The following NEK11 variants were observed in gnomAD, a reference collection of about 807,000 sequenced individuals.
The protein encoded by NEK11 is NIMA related kinase 11, also known as serine/threonine-protein kinase Nek11.
In NEK11, 72 loss-of-function variants were observed where a neutral mutation model predicts 80.7. That is an observed-to-expected ratio of 0.89 (90% CI 0.74 to 1.08). The LOEUF (loss-of-function observed/expected upper bound fraction) is 1.08, where lower values mean the gene tolerates loss of function less well. Ranked by LOEUF, NEK11 falls within the 50% of genes least tolerant of loss-of-function variation. The pLI is 0.00. For synonymous variants in NEK11, 251 were observed against 260.7 expected (o/e 0.96, Z 0.36); for missense variants, 764 against 763.6 (o/e 1.00, Z -0.01).
intron 3 of NEK11, among the ~76,000 whole-genome samples, chr3:131,034,557 A>G (rs1447844073): frequency 2.0e-5 from 3 of 151,894 alleles, no homozygotes; most frequent in East Asian, 1.9e-4. Flanking sequence ...CCGCCACCAC[A>G]CCCGGCTAAT....
At chr3:131,281,935 CTT>C (rs1393918336) in intron 17 of NEK11, among the ~76,000 whole-genome samples, 1 of 152,172 alleles carries the variant, frequency 6.6e-6, no homozygotes, top group Non-Finnish European at 1.5e-5. Flanking sequence ...AGCAAACACA[CTT>C]GAGATTAAAG....
intron 9 of NEK11, 50 bp downstream of exon 9, chr3:131,152,759 C>T (rs111824170): frequency 2.4e-6 from 3 of 1,265,430 alleles, no homozygotes; most frequent in Non-Finnish European, 2.3e-6. Flanking sequence ...CATTTGTATA[C>T]ACATTCCATG....
chr3:131,237,073 C>T (rs186917870), intron 15 of NEK11, among the ~76,000 whole-genome samples: 112 of 152,300 alleles, frequency 7.4e-4, no homozygotes, highest in African/African-American at 2.6e-3. Flanking sequence ...GGTACATTGG[C>T]TCATTCCTGT....
intron 7 of NEK11, among the ~76,000 whole-genome samples, chr3:131,151,337 C>T (rs1472732636): frequency 3.3e-5 from 5 of 151,992 alleles, no homozygotes; most frequent in Admixed American, 2.6e-4. Context: ...AAGTACCAGT[C>T]AGCTCAGTTG....
intron 17 of NEK11, chr3:131,327,781 T>G (rs1216177545): frequency 6.6e-6 from 1 of 151,322 alleles, no homozygotes; most frequent in Admixed American, 6.6e-5. Flanking sequence ...GTGCCAAATC[T>G]CTTTTCTGAC....
intron 14 of NEK11, among the ~76,000 whole-genome samples, chr3:131,204,004 A>G (rs1455258340): frequency 6.6e-6 from 1 of 151,762 alleles, no homozygotes; most frequent in Non-Finnish European, 1.5e-5. Context: ...CCCTGGAGAA[A>G]GAGATGCTGC....
At chr3:131,290,466 G>A (rs1344647421) in intron 17 of NEK11, among the ~76,000 whole-genome samples, 3 of 152,246 alleles carry the variant, frequency 2.0e-5, no homozygotes, top group African/African-American at 7.2e-5. Context: ...GAAAATCAGT[G>A]AACTAGCTGA....
intron 12 of NEK11, among the ~76,000 whole-genome samples, chr3:131,165,871 T>C (rs2092169954): frequency 6.6e-6 from 1 of 152,260 alleles, no homozygotes; most frequent in South Asian, 2.1e-4. Flanking sequence ...GCTTTACCTC[T>C]TTAGTACATT....
chr3:131,245,815 TG>T (rs1421838655), intron 16 of NEK11, among the ~76,000 whole-genome samples: 1 of 152,084 alleles, frequency 6.6e-6, no homozygotes, highest in Non-Finnish European at 1.5e-5. Flanking sequence ...TTTTGTTTTT[TG>T]TTTTTTTGTT....
intron 15 of NEK11, among the ~76,000 whole-genome samples, chr3:131,235,242 A>G (rs1439894869): frequency 6.6e-6 from 1 of 152,132 alleles, no homozygotes; most frequent in Non-Finnish European, 1.5e-5. Flanking sequence ...TGATAAGAGT[A>G]GTTGCAGTGG....
chr3:131,255,030 GAA>G (rs1298970855), intron 16 of NEK11, among the ~76,000 whole-genome samples: 2 of 135,034 alleles, frequency 1.5e-5, no homozygotes, highest in Non-Finnish European at 3.2e-5. Context: ...AAGAAAGAAA[GAA>G]AGAGAGAGAG....
At chr3:131,094,921 A>C (rs546049199) in intron 4 of NEK11, among the ~76,000 whole-genome samples, 499 of 152,308 alleles carry the variant, frequency 3.3e-3, no homozygotes, top group Non-Finnish European at 5.8e-3. Context: ...TCCTGTGATG[A>C]GTTAAGGAGT....
At chr3:131,076,232 G>C (rs1261654797) in intron 3 of NEK11, among the ~76,000 whole-genome samples, 3 of 152,312 alleles carry the variant, frequency 2.0e-5, no homozygotes, top group East Asian at 3.9e-4. Flanking sequence ...CAAATGACAA[G>C]TGTCTGCTAC....
intron 14 of NEK11, among the ~76,000 whole-genome samples, chr3:131,204,273 A>G (rs2094373428): frequency 1.3e-5 from 2 of 152,180 alleles, no homozygotes; most frequent in African/African-American, 2.4e-5. Flanking sequence ...GCATTTCTTT[A>G]TCTGTATCCT....
chr3:131,188,700 A>T lies in NEK11; in HGVS notation c.1399+17813A>T, dbSNP rs545788808. Among the ~76,000 whole-genome samples the T allele has an allele frequency of 1.2e-3, 182 of 152,264 alleles. 2 individuals carry two copies. The highest frequency in any genetic ancestry group is 1.7e-3 in the Non-Finnish European group (119 of 68,018). On this transcript the variant is annotated intron_variant, in intron 14 of 17. Transcript: ENST00000383366. ...CACTTTTATCTTTCATCAACAGTCAATCTTCAACAAATATTTATCAGGCAT... is the reference window on the plus strand; with the variant it reads ...CACTTTTATCTTTCATCAACAGTCATTCTTCAACAAATATTTATCAGGCAT...
intron 10 of NEK11, among the ~76,000 whole-genome samples, chr3:131,156,269 A>C (rs1197387560): frequency 2.6e-5 from 4 of 152,226 alleles, no homozygotes. Context: ...TGAAAATTGC[A>C]TGTCCTCTGG....
At position 131,199,504 on chromosome 3, in the gene NEK11, A is replaced by T. The variant is rs1381724556; in HGVS notation, c.1399+28617A>T. ...CATAATAGTTTTGAAGAAATATTTT[A>T]CAACTTTTTTAAAAATTAACATTTT... On this transcript the variant is annotated intron_variant, in intron 14 of 17. Transcript: ENST00000383366. Among the ~76,000 whole-genome samples the T allele has an allele frequency of 4.6e-5, 7 of 152,176 alleles. No homozygotes were observed. In the East Asian group the frequency reaches 1.3e-3, roughly 29 times the overall value.
At chr3:131,159,552 G>A (rs1327220876) in intron 10 of NEK11, among the ~76,000 whole-genome samples, 2 of 152,178 alleles carry the variant, frequency 1.3e-5, no homozygotes, top group Non-Finnish European at 2.9e-5. Context: ...GATCATTTGA[G>A]GTCAGGAGTT....
chr3:131,213,141 T>A (rs1211332648), intron 14 of NEK11, among the ~76,000 whole-genome samples: 2 of 151,924 alleles, frequency 1.3e-5, no homozygotes, highest in Non-Finnish European at 2.9e-5. Context: ...CCAGCCCCCA[T>A]AATTGCGTGA....
Sources: gnomAD v4.1 joint callset for allele counts (sites outside exome capture counted in the v4.1 genomes callset) on GRCh38, gnomAD v4.1.1 for gene constraint, MANE v1.5 for transcripts, NCBI Gene and HGNC (gene_info 2026-07-23, HGNC 2026-07-21) for gene names.